The following ASTN1 variants were observed in gnomAD, a reference collection of about 807,000 sequenced individuals.
The protein encoded by ASTN1 is astrotactin 1, also known as astrotactin-1.
A neutral mutation model predicts 140.7 loss-of-function variants in ASTN1; 41 were observed. The observed-to-expected ratio is 0.29, with a 90% CI of 0.23 to 0.38. The LOEUF (loss-of-function observed/expected upper bound fraction) is 0.38. Among genes scored for constraint, ASTN1 ranks in the 10% least tolerant of loss-of-function variants. The pLI is 1.00. For missense variants in ASTN1, 1,479 were observed against 1,678.8 expected (o/e 0.88, Z 2.08); for synonymous variants, 640 against 652.2 (o/e 0.98, Z 0.29).
At chr1:177,033,156 T>TGTGTGTGTGTGC (rs1491449826) in intron 2 of ASTN1, among the ~76,000 whole-genome samples, 2 of 148,808 alleles carry the variant, frequency 1.3e-5, no homozygotes, top group Non-Finnish European at 3.0e-5. Context: ...TGTGTGTGTG[T>TGTGTGTGTGTGC]GCGTGATTTC....
intron 8 of ASTN1, among the ~76,000 whole-genome samples, chr1:176,996,261 CCTCTCTCT>C (rs146791378): frequency 5.0e-5 from 7 of 140,872 alleles, no homozygotes; most frequent in East Asian, 2.1e-4. Flanking sequence ...AGTCATATAT[CCTCTCTCT>C]CTCTCTCTCT....
intron 1 of ASTN1, among the ~76,000 whole-genome samples, chr1:177,077,009 C>T (rs931751428): frequency 3.3e-5 from 5 of 152,086 alleles, no homozygotes; most frequent in African/African-American, 1.2e-4. Context: ...CTTCAGTTTT[C>T]CTGGAATTGA....
Position 176,958,424 on chromosome 1 carries a change from G to A in ASTN1, c.1657C>T (p.Pro553Ser), listed in dbSNP as rs1672511986. Residue 553 changes from proline to serine, a missense_variant, in exon 10 of 23, where the codon CCA (proline) becomes TCA (serine). Physicochemically the swap from Pro to Ser is moderately conservative, Grantham distance 74. Around this residue, in one of 3 missense-constraint regions of ASTN1, gnomAD observed 729 missense variants for 860.4 expected, o/e 0.85. Coordinates refer to ENST00000361833, the MANE Select transcript of ASTN1 (RefSeq NM_004319.3). ...GGATTGATGGCCAGTTCGGCTGGTG[G>A]AATCACAAAGCTCTTGCTGAGGGGC... is the stretch of plus-strand genomic sequence containing the variant. ...WLPLSKSFVI[P>S]PAELAINPSA... 1.2e-6 allele frequency: 2 copies of A among 1,614,064 alleles called. No individual in the cohort carries two copies.
chr1:177,012,434 C>G (rs1003005998), intron 8 of ASTN1, among the ~76,000 whole-genome samples: 11 of 152,094 alleles, frequency 7.2e-5, no homozygotes, highest in African/African-American at 2.4e-4. Context: ...TTTTCCTCCT[C>G]CTAACAGTTG....
intron 1 of ASTN1, among the ~76,000 whole-genome samples, chr1:177,072,975 C>T (rs958738154): frequency 1.3e-5 from 2 of 152,112 alleles, no homozygotes; most frequent in Non-Finnish European, 2.9e-5. Context: ...GGGTTTTCTT[C>T]CTCTGATGTG....
intron 8 of ASTN1, among the ~76,000 whole-genome samples, chr1:176,998,550 G>T (rs569105771): frequency 6.6e-6 from 1 of 150,412 alleles, no homozygotes; most frequent in African/African-American, 2.4e-5. Context: ...GTGGGGGTGG[G>T]GAGCTCATTA....
chr1:176,946,170 T>C lies in ASTN1; in HGVS notation c.2055-50A>G, dbSNP rs375578577. ...AAGAAGTTATTCCATCAATGACCCA[T>C]GCAGGCAAGTCAACCCCGTATATTG... On this transcript the variant is annotated intron_variant, in intron 12 of 22. Transcript: ENST00000361833. 1.7e-5 allele frequency: 25 copies of C among 1,449,808 alleles called. 1 individual carries two copies. Among genetic ancestry groups the C allele is most frequent in the East Asian group, 1.4e-4 (6 of 42,668 alleles). 89.8% of individuals were successfully genotyped at this position (1,449,808 alleles called of 1,614,324 possible). A position where few individuals can be genotyped will look rare whatever the true frequency, so the allele number is the denominator to read the frequency against.
At chr1:176,944,888 G>A (rs1015690437) in intron 13 of ASTN1, among the ~76,000 whole-genome samples, 11 of 152,112 alleles carry the variant, frequency 7.2e-5, no homozygotes, top group African/African-American at 2.4e-4. Flanking sequence ...AGGCTAAAAG[G>A]GGAAATGTTA....
intron 16 of ASTN1, among the ~76,000 whole-genome samples, chr1:176,907,445 C>A (rs975108610): frequency 1.4e-4 from 21 of 152,178 alleles, no homozygotes; most frequent in African/African-American, 4.8e-4. Flanking sequence ...GTACAAGTGG[C>A]CTGATTTGAA....
intron 1 of ASTN1, among the ~76,000 whole-genome samples, chr1:177,162,141 C>T (rs1011795860): frequency 6.6e-5 from 10 of 152,132 alleles, no homozygotes; most frequent in Admixed American, 6.5e-5. Flanking sequence ...TCACCATTGG[C>T]CAAGAGCTGC....
At chr1:177,012,193 A>T (rs1165718492) in intron 8 of ASTN1, among the ~76,000 whole-genome samples, 2 of 152,222 alleles carry the variant, frequency 1.3e-5, no homozygotes, top group Non-Finnish European at 2.9e-5. Flanking sequence ...AATTCGAGTG[A>T]CAGTCTTCAT....
At chr1:177,098,944 C>T (rs1038843147) in intron 1 of ASTN1, among the ~76,000 whole-genome samples, 2 of 152,118 alleles carry the variant, frequency 1.3e-5, no homozygotes, top group African/African-American at 4.8e-5. Context: ...GTGAAATGAG[C>T]CTGTAAGTGC....
At chr1:176,995,189 G>A (rs988549675) in intron 8 of ASTN1, among the ~76,000 whole-genome samples, 2 of 152,160 alleles carry the variant, frequency 1.3e-5, no homozygotes, top group African/African-American at 2.4e-5. Flanking sequence ...AATGTGACAG[G>A]AAATGACATA....
intron 17 of ASTN1, among the ~76,000 whole-genome samples, chr1:176,893,064 A>C (rs1669335035): frequency 6.6e-6 from 1 of 152,202 alleles, no homozygotes; most frequent in African/African-American, 2.4e-5. Flanking sequence ...GGAGTTGCCA[A>C]AGACAAACTT....
At chr1:176,897,944 C>T (rs897575549) in intron 16 of ASTN1, among the ~76,000 whole-genome samples, 1 of 152,160 alleles carries the variant, frequency 6.6e-6, no homozygotes, top group East Asian at 1.9e-4. Flanking sequence ...AAGCATGTAC[C>T]GTGCTCATGA....
chr1:176,950,557 A>G (rs1404743222), intron 11 of ASTN1, among the ~76,000 whole-genome samples: 2 of 152,096 alleles, frequency 1.3e-5, no homozygotes, highest in Non-Finnish European at 2.9e-5. Flanking sequence ...CAGTTAATTC[A>G]CAAACTCTTC....
In ASTN1 at chr1:176,862,779, A is replaced by G; in HGVS notation, c.*1505T>C. The G allele has an allele frequency of 1.0e-6, 1 of 978,738 alleles. No homozygotes were observed. The highest frequency in any genetic ancestry group is 1.2e-6 in the Non-Finnish European group (1 of 823,826). 60.6% of individuals were successfully genotyped at this position (978,738 alleles called of 1,614,324 possible). A position where few individuals can be genotyped will look rare whatever the true frequency, so the allele number is the denominator to read the frequency against. ...CAATGATACCTAAAGTGCTTACATC[A>G]GCGCCTGGCATACAGCAAGCACTCA... On this transcript the variant is annotated 3_prime_UTR_variant, in exon 23 of 23. Transcript: ENST00000361833.
Position 177,107,902 on chromosome 1 carries a change from A to G in ASTN1, c.284-46637T>C, listed in dbSNP as rs1314033487. On this transcript the variant is annotated intron_variant, in intron 1 of 22. Transcript: ENST00000361833. ...AAGGAAAAAAGGAGAATGGAAAGCA[A>G]TAACCTATTGTTGGGAGGATACTTT... is the stretch of plus-strand genomic sequence containing the variant. 2.6e-5 allele frequency among the ~76,000 whole-genome samples: 4 copies of G among 152,348 alleles called. No homozygotes were observed. In the East Asian group the frequency reaches 5.8e-4, roughly 22 times the overall value.
intron 14 of ASTN1, 30 bp from the exon 15 acceptor site, chr1:176,936,400 C>T: frequency 6.4e-7 from 1 of 1,554,904 alleles, no homozygotes. Context: ...AAGCTGAGTT[C>T]TGATACTGAT....
Sources: gnomAD v4.1 joint callset for allele counts (sites outside exome capture counted in the v4.1 genomes callset) on GRCh38, gnomAD v4.1.1 for gene constraint, gnomAD v4.1.1 regional missense constraint, MANE v1.5 for transcripts, NCBI Gene and HGNC (gene_info 2026-07-23, HGNC 2026-07-21) for gene names.